SLC25A11: variants seen among roughly 807,000 people sequenced by gnomAD.
The protein encoded by SLC25A11 is mitochondrial 2-oxoglutarate/malate carrier protein.
Under a neutral mutation model 32.7 loss-of-function variants are expected in SLC25A11, and 11 were observed. The ratio of observed to expected loss-of-function variants is 0.34; its 90% CI spans 0.21 to 0.56. The LOEUF is 0.56. SLC25A11 is among the 20% of genes least tolerant of loss of function. The pLI is 0.90. For synonymous variants in SLC25A11, 163 were observed against 168.3 expected (o/e 0.97, Z 0.24); for missense variants, 295 against 426.3 (o/e 0.69, Z 2.71).
chr17:4,938,624 G>A lies in SLC25A11; in HGVS notation c.456-22C>T, dbSNP rs764759812. The A allele has an allele frequency of 1.2e-6, 2 of 1,611,468 alleles. No homozygotes were observed. The highest frequency in any genetic ancestry group is 8.5e-7 in the Non-Finnish European group (1 of 1,177,734). On this transcript the variant is annotated intron_variant, in intron 3 of 7. Transcript: ENST00000225665. This position sits in a 1 kb window ranked among gnomAD's most constrained non-coding sequence, Gnocchi z 7.6. The stretch of plus-strand genomic sequence containing the variant: ...AAGCCTGGTGGGAAGGCAGAAAGAG[G>A]TCAAGATCAGGATTGCCCACAGGTG...
chr17:4,939,353 G>A lies in SLC25A11; in HGVS notation c.96-141C>T, dbSNP rs997166187. The A allele has an allele frequency of 6.5e-6, 6 of 917,284 alleles. No individual in the cohort carries two copies. The highest frequency in any genetic ancestry group is 9.6e-6 in the Non-Finnish European group (6 of 624,222). The allele number at this position is 917,284 out of a possible 1,614,324, so 56.8% of individuals were successfully genotyped here. On this transcript the variant is annotated intron_variant, in intron 1 of 7. Transcript: ENST00000225665. This position sits in a 1 kb window ranked among gnomAD's most constrained non-coding sequence, Gnocchi z 4.1. ...AGGATGCTGGTGAGCATGTGTATAA[G>A]AGTCTATATGTACACCAAGTGCAAC...
In SLC25A11 at chr17:4,937,900, G is replaced by A. The variant is rs372124751; in HGVS notation, c.790-4C>T. Reference sequence around the variant, plus strand: ...GGACAACTTTGAACAGCACGTCCTAGACACAGACAGGCAGGGCGCTGGGGC... The same window carrying A: ...GGACAACTTTGAACAGCACGTCCTAAACACAGACAGGCAGGGCGCTGGGGC... On this transcript the variant is annotated splice_region_variant and splice_polypyrimidine_tract_variant and intron_variant, in intron 7 of 7. Transcript: ENST00000225665. 3.8e-5 allele frequency: 62 copies of A among 1,612,900 alleles called. No individual in the cohort carries two copies. Among genetic ancestry groups the A allele is most frequent in the Non-Finnish European group, 5.0e-5 (59 of 1,179,366 alleles).
chr17:4,938,448 G>T lies in SLC25A11; in HGVS notation c.547-19C>A. On this transcript the variant is annotated intron_variant, in intron 4 of 7. Coordinates refer to ENST00000225665, the MANE Select transcript of SLC25A11 (RefSeq NM_003562.5). This position sits in a 1 kb window ranked among gnomAD's most constrained non-coding sequence, Gnocchi z 7.6. The stretch of plus-strand genomic sequence containing the variant: ...TGCAGCCCTGGAGGGAGGGGAGCGG[G>T]GAAGAGTCAGAAACCCCTAAAACCA... The T allele has an allele frequency of 6.2e-7, 1 of 1,614,022 alleles. No homozygotes were observed.
At position 4,939,793 on chromosome 17, in the gene SLC25A11, C is replaced by T; in HGVS notation, c.95+23G>A. 1 of 1,597,818 alleles carries T rather than the reference C, an allele frequency of 6.3e-7. No individual in the cohort carries two copies. The highest frequency in any genetic ancestry group is 1.3e-5 in the African/African-American group (1 of 74,444). Reference sequence around the variant, plus strand: ...TTGCCCTTCCCTTCCTCCTCTTTTCCCATCCCTGGGGCCTGAGCTTACCCG... The same window carrying T: ...TTGCCCTTCCCTTCCTCCTCTTTTCTCATCCCTGGGGCCTGAGCTTACCCG... On this transcript the variant is annotated intron_variant, in intron 1 of 7. Transcript: ENST00000225665. The surrounding 1 kb of genome is among the most constrained non-coding windows in gnomAD (Gnocchi z 4.1).
At position 4,937,658 on chromosome 17, in the gene SLC25A11, AGAG is replaced by A; in HGVS notation, c.*80_*82del. 1 of 1,459,740 alleles carries A rather than the reference AGAG, an allele frequency of 6.9e-7. No individual in the cohort carries two copies. Among genetic ancestry groups the A allele is most frequent in the Non-Finnish European group, 9.2e-7 (1 of 1,089,096 alleles). 90.4% of individuals were successfully genotyped at this position (1,459,740 alleles called of 1,614,324 possible). On this transcript the variant is annotated 3_prime_UTR_variant, in exon 8 of 8. Coordinates refer to ENST00000225665, the MANE Select transcript of SLC25A11 (RefSeq NM_003562.5). The stretch of plus-strand genomic sequence containing the variant: ...ACCACACTGTGGAAGGGAAATAAAT[AGAG>A]GGGTCCAGGGCAGCAGAGCCCAGGC...
In SLC25A11 at chr17:4,938,131, C is replaced by A. The variant is rs558982113; in HGVS notation, c.737+23G>T. On this transcript the variant is annotated intron_variant, in intron 6 of 7. Coordinates refer to ENST00000225665, the MANE Select transcript of SLC25A11 (RefSeq NM_003562.5). This position sits in a 1 kb window ranked among gnomAD's most constrained non-coding sequence, Gnocchi z 7.6. ...CGAAAGGGCACCCTCCCACCCACCT[C>A]CAGGCCCAGGCTGCACACTCACCGG... The A allele has an allele frequency of 3.3e-5, 54 of 1,614,014 alleles. 1 individual carries two copies. The South Asian group carries it at 5.5e-4, about 16-fold the overall frequency.
At position 4,937,760 on chromosome 17, in the gene SLC25A11, C is replaced by A. The variant is rs370162748; in HGVS notation, c.926G>T (p.Arg309Leu). 4.3e-6 allele frequency: 7 copies of A among 1,611,334 alleles called. No homozygotes were observed. In the South Asian group the frequency reaches 4.4e-5, roughly 10 times the overall value. ...FLEQMNKAYK[R>L]LFLSG ...GCCGCTTCAGCCACTGAGGAAGAGA[C>A]GCTTGTAGGCCTTGTTCATCTGCTC... Residue 309 changes from arginine (R) to leucine (L), a missense_variant, in exon 8 of 8, where the codon CGT becomes CTT. Around this residue, in one of 3 missense-constraint regions of SLC25A11, gnomAD observed 142 missense variants for 197.8 expected, o/e 0.72. Coordinates refer to ENST00000225665, the MANE Select transcript of SLC25A11 (RefSeq NM_003562.5).
At position 4,939,953 on chromosome 17, in the gene SLC25A11, GC is replaced by G. The variant is rs1359915943; in HGVS notation, c.-44del. 3 of 1,505,636 alleles carry G rather than the reference GC, an allele frequency of 2.0e-6. No individual in the cohort carries two copies. Among genetic ancestry groups the G allele is most frequent in the African/African-American group, 2.8e-5 (2 of 70,244 alleles). 93.3% of individuals were successfully genotyped at this position (1,505,636 alleles called of 1,614,324 possible). A position where few individuals can be genotyped will look rare whatever the true frequency, so the allele number is the denominator to read the frequency against. On this transcript the variant is annotated 5_prime_UTR_variant, in exon 1 of 8. Coordinates refer to ENST00000225665, the MANE Select transcript of SLC25A11 (RefSeq NM_003562.5). This position sits in a 1 kb window ranked among gnomAD's most constrained non-coding sequence, Gnocchi z 4.1. ...CGGCTCCGGGTCCCGTGCGCGCGCG[GC>G]CCCGCTCGCGCCCAAGGTGACACCG... is the stretch of plus-strand genomic sequence containing the variant.
rs1178012951 is a variant in SLC25A11, at chr17:4,938,478, T to C, written c.546+34A>G. 1 of 1,613,346 alleles carries C rather than the reference T, an allele frequency of 6.2e-7. No individual in the cohort carries two copies. Among genetic ancestry groups the C allele is most frequent in the Middle Eastern group, 1.7e-4 (1 of 6,044 alleles). ...AGTCAGAAACCCCTAAAACCAGACC[T>C]CACAGCCCCCAAGTCTCCAGCCCCT... On this transcript the variant is annotated intron_variant, in intron 4 of 7. Transcript: ENST00000225665. The surrounding 1 kb of genome is among the most constrained non-coding windows in gnomAD (Gnocchi z 7.6).
Position 4,937,908 on chromosome 17 carries a change from C to A in SLC25A11, c.790-12G>T. 6.2e-7 allele frequency: 1 copy of A among 1,612,426 alleles called. No homozygotes were observed. The stretch of plus-strand genomic sequence containing the variant: ...TTGAACAGCACGTCCTAGACACAGA[C>A]AGGCAGGGCGCTGGGGCTAGGACTC... On this transcript the variant is annotated splice_polypyrimidine_tract_variant and intron_variant, in intron 7 of 7. Coordinates refer to ENST00000225665, the MANE Select transcript of SLC25A11 (RefSeq NM_003562.5).
Position 4,940,039 on chromosome 17 carries a change from T to C in SLC25A11, c.-129A>G. 2 of 569,234 alleles carry C rather than the reference T, an allele frequency of 3.5e-6. No homozygotes were observed. The highest frequency in any genetic ancestry group is 2.0e-5 in the African/African-American group (1 of 50,288). The allele number at this position is 569,234 out of a possible 1,614,324, so 35.3% of individuals were successfully genotyped here. Reference sequence around the variant, plus strand: ...TCCAGCTCTCAGGTCCGACACCCGCTGGAAGCCGGCGCGGGCGCAGGCGCG... The same window carrying C: ...TCCAGCTCTCAGGTCCGACACCCGCCGGAAGCCGGCGCGGGCGCAGGCGCG... On this transcript the variant is annotated 5_prime_UTR_variant, in exon 1 of 8. Transcript: ENST00000225665.
Position 4,938,101 on chromosome 17 carries a change from G to A in SLC25A11, c.738-27C>T, listed in dbSNP as rs1483424669. ...TGCAGGAGAGGACGCAGGGGCATGA[G>A]AGACCGAAAGGGCACCCTCCCACCC... On this transcript the variant is annotated intron_variant, in intron 6 of 7. Transcript: ENST00000225665. This position sits in a 1 kb window ranked among gnomAD's most constrained non-coding sequence, Gnocchi z 7.6. The A allele has an allele frequency of 1.9e-6, 3 of 1,614,202 alleles. No homozygotes were observed. The highest frequency in any genetic ancestry group is 2.2e-5 in the East Asian group (1 of 44,890).
Position 4,939,760 on chromosome 17 carries a change from G to A in SLC25A11, c.95+56C>T, listed in dbSNP as rs569915450. The A allele has an allele frequency of 4.3e-5, 60 of 1,397,164 alleles. No individual in the cohort carries two copies. The South Asian group carries it at 5.1e-4, about 12-fold the overall frequency. The allele number at this position is 1,397,164 out of a possible 1,614,324, so 86.5% of individuals were successfully genotyped here. ...ACAGACCCAGAGATGAACCGGGCCC[G>A]GTTCCTTTTGCCCTTCCCTTCCTCC... On this transcript the variant is annotated intron_variant, in intron 1 of 7. Coordinates refer to ENST00000225665, the MANE Select transcript of SLC25A11 (RefSeq NM_003562.5). This position sits in a 1 kb window ranked among gnomAD's most constrained non-coding sequence, Gnocchi z 4.1.
rs1160217497 is a variant in SLC25A11, at chr17:4,938,829, G to C, written c.395C>G (p.Thr132Ser). The C allele has an allele frequency of 1.2e-6, 2 of 1,614,046 alleles. No homozygotes were observed. The highest frequency in any genetic ancestry group is 8.5e-7 in the Non-Finnish European group (1 of 1,180,030). The change falls in exon 3 of 8, where the codon ACT becomes AGT. Residue 132 changes from threonine (T) to serine (S), a missense_variant. Thr to Ser is a moderately conservative substitution (Grantham distance 58, BLOSUM62 1). Transcript: ENST00000225665. This position sits in a 1 kb window ranked among gnomAD's most constrained non-coding sequence, Gnocchi z 7.6. ...KAVIGMTAGATGAFVGTPAEV... is the reference protein window; with the variant it reads ...KAVIGMTAGASGAFVGTPAEV... ...GGCTGGTGTTCCCACAAAGGCACCA[G>C]TGGCACCTGCGGTCATGCCAATCAC...
In SLC25A11 at chr17:4,939,355, G is replaced by A. The variant is rs538202414; in HGVS notation, c.96-143C>T. On this transcript the variant is annotated intron_variant, in intron 1 of 7. Transcript: ENST00000225665. This position sits in a 1 kb window ranked among gnomAD's most constrained non-coding sequence, Gnocchi z 4.1. The stretch of plus-strand genomic sequence containing the variant: ...GATGCTGGTGAGCATGTGTATAAGA[G>A]TCTATATGTACACCAAGTGCAACGG... 5.5e-6 allele frequency: 5 copies of A among 911,916 alleles called. No homozygotes were observed. The highest frequency in any genetic ancestry group is 3.4e-4 in the Middle Eastern group (1 of 2,912). The allele number at this position is 911,916 out of a possible 1,614,324, so 56.5% of individuals were successfully genotyped here.
At position 4,939,851 on chromosome 17, in the gene SLC25A11, A is replaced by G; in HGVS notation, c.60T>C (p.Pro20=). The G allele has an allele frequency of 5.0e-6, 8 of 1,612,856 alleles. No individual in the cohort carries two copies. The highest frequency in any genetic ancestry group is 6.8e-6 in the Non-Finnish European group (8 of 1,179,774). Residue 20 remains proline (P), a synonymous_variant, in exon 1 of 8, where the codon CCT becomes CCC. Coordinates refer to ENST00000225665, the MANE Select transcript of SLC25A11 (RefSeq NM_003562.5). This position sits in a 1 kb window ranked among gnomAD's most constrained non-coding sequence, Gnocchi z 4.1. ...GGIDGKPRTS[P]KSVKFLFGGL... ...CCCCAAACAGGAACTTGACGGACTT[A>G]GGGGAGGTACGGGGCTTCCCGTCTA...
In SLC25A11 at chr17:4,938,471, C is replaced by G. The variant is rs747296349; in HGVS notation, c.546+41G>C. The G allele has an allele frequency of 2.5e-6, 4 of 1,613,648 alleles. No individual in the cohort carries two copies. In the Admixed American group the frequency reaches 6.7e-5, roughly 27 times the overall value. ...GGGGAAGAGTCAGAAACCCCTAAAA[C>G]CAGACCTCACAGCCCCCAAGTCTCC... On this transcript the variant is annotated intron_variant, in intron 4 of 7. Coordinates refer to ENST00000225665, the MANE Select transcript of SLC25A11 (RefSeq NM_003562.5). This position sits in a 1 kb window ranked among gnomAD's most constrained non-coding sequence, Gnocchi z 7.6.
chr17:4,938,521 T>C lies in SLC25A11; in HGVS notation c.537A>G (p.Thr179=). The C allele has an allele frequency of 6.2e-7, 1 of 1,613,960 alleles. No homozygotes were observed. The highest frequency in any genetic ancestry group is 1.1e-5 in the South Asian group (1 of 91,084). ...IRITREEGVL[T]LWRGCIPTMA... ...CAGCCCCTCCACTCACCCGCCACAG[T>C]GTGAGGACACCCTCTTCCCGGGTGA... The change falls in exon 4 of 8, where the codon ACA becomes ACG. Residue 179 remains threonine (T), a synonymous_variant. Transcript: ENST00000225665. This position sits in a 1 kb window ranked among gnomAD's most constrained non-coding sequence, Gnocchi z 7.6.
In SLC25A11 at chr17:4,939,720, G is replaced by T; in HGVS notation, c.95+96C>A. 1.0e-6 allele frequency: 1 copy of T among 977,766 alleles called. No homozygotes were observed. The highest frequency in any genetic ancestry group is 1.6e-6 in the Non-Finnish European group (1 of 631,116). The allele number at this position is 977,766 out of a possible 1,614,324, so 60.6% of individuals were successfully genotyped here. A position where few individuals can be genotyped will look rare whatever the true frequency, so the allele number is the denominator to read the frequency against. The stretch of plus-strand genomic sequence containing the variant: ...TGGAGATCGCGCTGACCCCGTGCCG[G>T]CACAGTTCACTGCAACAGACCCAGA... On this transcript the variant is annotated intron_variant, in intron 1 of 7. Coordinates refer to ENST00000225665, the MANE Select transcript of SLC25A11 (RefSeq NM_003562.5). This position sits in a 1 kb window ranked among gnomAD's most constrained non-coding sequence, Gnocchi z 4.1.
Sources: allele counts gnomAD v4.1 joint callset, GRCh38; gene constraint gnomAD v4.1.1; regional missense constraint gnomAD v4.1.1; non-coding constraint Gnocchi (gnomAD v3.1); transcripts MANE v1.5; gene names NCBI Gene and HGNC (gene_info 2026-07-23, HGNC 2026-07-21).